Variants in AEN observed in about 807,000 individuals in gnomAD.
The protein encoded by AEN is apoptosis-enhancing nuclease.
In AEN, 21 loss-of-function variants were observed where a neutral mutation model predicts 17.7. The ratio of observed to expected loss-of-function variants is 1.19; its 90% confidence interval spans 0.84 to 1.71. The LOEUF (loss-of-function observed/expected upper bound fraction) is 1.71, where lower values mean the gene tolerates loss of function less well. AEN is among the 40% of genes most tolerant of loss of function. The pLI is 0.00. For synonymous variants in AEN, 190 were observed against 173.0 expected, an observed-to-expected ratio of 1.10 and a Z score of -0.77; for missense variants, 462 against 435.9, an observed-to-expected ratio of 1.06 and a Z score of -0.53.
the AEN span, chr15:88,607,972 G>A: frequency 3.0e-6 from 1 of 330,788 alleles, no homozygotes; most frequent in African/African-American, 2.1e-5. Flanking sequence ...GAATTGTCCG[G>A]GGCAGCTATC....
intron 2 of AEN, chr15:88,627,372 G>A (rs1257511844): frequency 3.3e-5 from 5 of 151,802 alleles, no homozygotes; most frequent in African/African-American, 9.7e-5. Context: ...TGGAGAAAGG[G>A]AACAGTATTA....
chr15:88,614,206 T>C, the AEN span, among the ~76,000 whole-genome samples: 1 of 152,318 alleles, frequency 6.6e-6, no homozygotes, highest in Middle Eastern at 3.4e-3. Flanking sequence ...TTTATTTATT[T>C]ATTTATTTAT....
upstream of AEN, among the ~76,000 whole-genome samples, chr15:88,619,877 C>T (rs1433041981): frequency 1.3e-5 from 2 of 152,110 alleles, no homozygotes; most frequent in African/African-American, 4.8e-5. Flanking sequence ...TCCTCCACAC[C>T]ACTCTGGACA....
intron 2 of AEN, chr15:88,628,054 G>T (rs772907378): frequency 6.6e-6 from 1 of 152,162 alleles, no homozygotes; most frequent in Non-Finnish European, 1.5e-5. Context: ...AGGCCAATCA[G>T]TAAGAGTAGC....
intron 1 of AEN, among the ~76,000 whole-genome samples, chr15:88,622,591 G>C (rs1464287303): frequency 2.0e-5 from 3 of 152,204 alleles, no homozygotes; most frequent in African/African-American, 7.2e-5. Flanking sequence ...GTATGTGACA[G>C]GGACTGCATG....
At chr15:88,622,546 A>C (rs1211042690) in intron 1 of AEN, among the ~76,000 whole-genome samples, 2 of 152,208 alleles carry the variant, frequency 1.3e-5, no homozygotes, top group East Asian at 3.9e-4. Flanking sequence ...AAGATTTTAC[A>C]AGAAAGGGCC....
chr15:88,625,834 T>C (rs1361246895), intron 1 of AEN, among the ~76,000 whole-genome samples: 1 of 152,246 alleles, frequency 6.6e-6, no homozygotes, highest in African/African-American at 2.4e-5. Context: ...CTTTGGCTTT[T>C]ACTAATGGGG....
At chr15:88,606,300 G>A in the AEN span, among the ~76,000 whole-genome samples, 2 of 152,142 alleles carry the variant, frequency 1.3e-5, no homozygotes, top group Admixed American at 1.3e-4. Flanking sequence ...AAGGGAAAGA[G>A]TGGGGTGGAG....
chr15:88,628,350 G>C (rs2141374131), intron 2 of AEN: 1 of 152,402 alleles, frequency 6.6e-6, no homozygotes, highest in South Asian at 2.1e-4. Flanking sequence ...GAGGTAGGCT[G>C]TGGAGGCCCG....
chr15:88,630,011 C>T lies in AEN; in HGVS notation c.742-47C>T. The stretch of plus-strand genomic sequence containing the variant: ...TGGCCTTGCTTCTTGGGGTAACAGG[C>T]CTCTCACTAGGCCTGCAGGCAGTGA... On this transcript the variant is annotated intron_variant, in intron 3 of 3. Transcript: ENST00000332810. This position sits in a 1 kb window ranked among gnomAD's most constrained non-coding sequence, Gnocchi z 5.1. 6.3e-7 allele frequency: 1 copy of T among 1,584,886 alleles called. No individual in the cohort carries two copies. Among genetic ancestry groups the T allele is most frequent in the Admixed American group, 1.7e-5 (1 of 59,748 alleles).
the AEN span, among the ~76,000 whole-genome samples, chr15:88,605,490 A>C: frequency 1.3e-5 from 2 of 152,338 alleles, no homozygotes; most frequent in Admixed American, 1.3e-4. This position sits in a 1 kb window ranked among gnomAD's most constrained non-coding sequence, Gnocchi z 7.6. Flanking sequence ...CAGCACCCAG[A>C]GAGCCCAGAG....
upstream of AEN, among the ~76,000 whole-genome samples, chr15:88,617,643 C>G (rs915137720): frequency 2.0e-5 from 3 of 152,140 alleles, no homozygotes; most frequent in Non-Finnish European, 4.4e-5. Flanking sequence ...TGATTAACCC[C>G]TTACCCCCTA....
intron 2 of AEN, 176 bp from the exon 3 acceptor site, chr15:88,629,050 G>A (rs1218993949): frequency 4.7e-6 from 3 of 642,344 alleles, no homozygotes; most frequent in Non-Finnish European, 8.3e-6. Flanking sequence ...CAGTAGAAGG[G>A]TCTGGGTTCA....
chr15:88,610,704 A>G, the AEN span, among the ~76,000 whole-genome samples: 1 of 152,192 alleles, frequency 6.6e-6, no homozygotes, highest in South Asian at 2.1e-4. Context: ...CAAGGATGGA[A>G]GGGTGGGCTA....
chr15:88,615,935 G>C, the AEN span, among the ~76,000 whole-genome samples: 1 of 152,124 alleles, frequency 6.6e-6, no homozygotes, highest in Non-Finnish European at 1.5e-5. Flanking sequence ...ATGCAAAACA[G>C]GTCAAGTCCT....
At chr15:88,616,649 G>A (rs1313772212), upstream of AEN, among the ~76,000 whole-genome samples, 2 of 152,192 alleles carry the variant, frequency 1.3e-5, no homozygotes, top group African/African-American at 4.8e-5. Flanking sequence ...ATAAATGTAA[G>A]TATAGATGGT....
the AEN span, chr15:88,608,271 C>T: frequency 4.7e-6 from 2 of 421,480 alleles, no homozygotes; most frequent in Non-Finnish European, 1.0e-5. Flanking sequence ...ACTCAGAGTC[C>T]TGGACTCAGG....
At chr15:88,614,969 T>A in the AEN span, among the ~76,000 whole-genome samples, 1 of 152,098 alleles carries the variant, frequency 6.6e-6, no homozygotes, top group African/African-American at 2.4e-5. Context: ...GTTCACGCCA[T>A]TCTACCGCCT....
In AEN at chr15:88,631,322, A is replaced by G; in HGVS notation, c.*1028A>G. 6 of 332,490 alleles carry G rather than the reference A, an allele frequency of 1.8e-5. No individual in the cohort carries two copies. The highest frequency in any genetic ancestry group is 1.3e-4 in the South Asian group (6 of 44,890). The allele number at this position is 332,490 out of a possible 1,614,324, so 20.6% of individuals were successfully genotyped here. A position where few individuals can be genotyped will look rare whatever the true frequency, so the allele number is the denominator to read the frequency against. ...GTCTGGTGCCCCCGAACCTGGTCTG[A>G]TGCCCCCTCAGCTCTTTGACAATCA... On this transcript the variant is annotated 3_prime_UTR_variant, in exon 4 of 4. Transcript: ENST00000332810.
Sources: gnomAD v4.1 joint callset for allele counts (sites outside exome capture counted in the v4.1 genomes callset) on GRCh38, gnomAD v4.1.1 for gene constraint, Gnocchi (gnomAD v3.1) non-coding constraint, MANE v1.5 for transcripts, NCBI Gene and HGNC (gene_info 2026-07-23, HGNC 2026-07-21) for gene names.